The following NWD2 variants were observed in gnomAD, a reference collection of about 807,000 sequenced individuals.
The protein encoded by NWD2 is NACHT and WD repeat domain-containing protein 2.
Under a neutral mutation model 132.7 loss-of-function variants are expected in NWD2, and 37 were observed. The ratio of observed to expected loss-of-function variants is 0.28; its 90% CI spans 0.21 to 0.37. The LOEUF is 0.37. NWD2 is among the 10% of genes least tolerant of loss of function. The probability of loss-of-function intolerance (pLI) is 1.00; values close to 1 mark genes in which losing one functional copy is unlikely to be tolerated. For synonymous variants in NWD2, 705 were observed against 803.0 expected (o/e 0.88, Z 2.06); for missense variants, 1,592 against 2,122.4 (o/e 0.75, Z 4.91).
chr4:37,393,085 G>A (rs867570940), intron 3 of NWD2, among the ~76,000 whole-genome samples: 3 of 152,096 alleles, frequency 2.0e-5, no homozygotes, highest in Non-Finnish European at 4.4e-5. Context: ...TCTGATCCAC[G>A]GCGCCTCAGG....
chr4:37,310,430 G>A (rs887713076), intron 1 of NWD2, among the ~76,000 whole-genome samples: 1 of 152,022 alleles, frequency 6.6e-6, no homozygotes, highest in African/African-American at 2.4e-5. Context: ...ATGTATTCAG[G>A]TGTAGAAATA....
intron 3 of NWD2, among the ~76,000 whole-genome samples, chr4:37,391,643 G>T (rs1426031398): frequency 1.3e-5 from 2 of 152,156 alleles, no homozygotes; most frequent in Admixed American, 6.5e-5. Flanking sequence ...AAATGGGTAT[G>T]TGGGTTTCTC....
At chr4:37,363,647 A>T (rs1212084768) in intron 3 of NWD2, among the ~76,000 whole-genome samples, 2 of 152,098 alleles carry the variant, frequency 1.3e-5, no homozygotes, top group African/African-American at 2.4e-5. Context: ...CCACACACAC[A>T]TGCTGCCATC....
At chr4:37,438,153 T>G in intron 5 of NWD2, among the ~76,000 whole-genome samples, 1 of 151,276 alleles carries the variant, frequency 6.6e-6, no homozygotes, top group Non-Finnish European at 1.5e-5. Flanking sequence ...CCCAGCTACT[T>G]GGGAGGCTGA....
At chr4:37,282,379 T>C (rs1160532206) in intron 1 of NWD2, among the ~76,000 whole-genome samples, 4 of 152,188 alleles carry the variant, frequency 2.6e-5, no homozygotes, top group Non-Finnish European at 4.4e-5. Flanking sequence ...TTCCCAGCCT[T>C]GAAGTAATTT....
chr4:37,356,893 C>T (rs1212733864), intron 3 of NWD2, among the ~76,000 whole-genome samples: 2 of 152,226 alleles, frequency 1.3e-5, no homozygotes, highest in South Asian at 2.1e-4. Context: ...ATGGCTGAAA[C>T]ATTGTTAAAG....
chr4:37,253,824 A>C (rs186335092), intron 1 of NWD2, among the ~76,000 whole-genome samples: 5 of 152,320 alleles, frequency 3.3e-5, no homozygotes, highest in Admixed American at 3.3e-4. Context: ...AAAAAGTAAA[A>C]ACTCACAAGC....
At chr4:37,346,317 G>T (rs577011897) in intron 2 of NWD2, among the ~76,000 whole-genome samples, 1 of 152,248 alleles carries the variant, frequency 6.6e-6, no homozygotes, top group Non-Finnish European at 1.5e-5. Context: ...AAAATCAGTT[G>T]ACCTTATGTG....
At chr4:37,314,637 A>G (rs1049972505) in intron 1 of NWD2, among the ~76,000 whole-genome samples, 3 of 151,976 alleles carry the variant, frequency 2.0e-5, no homozygotes, top group African/African-American at 7.3e-5. Flanking sequence ...TTCATTCCTG[A>G]TTTTGGTGGT....
At position 37,443,636 on chromosome 4, in the gene NWD2, C is replaced by T. The variant is rs1472320260; in HGVS notation, c.1648C>T (p.His550Tyr). The T allele has an allele frequency of 6.4e-7, 1 of 1,552,056 alleles. No homozygotes were observed. Among genetic ancestry groups the T allele is most frequent in the Non-Finnish European group, 8.7e-7 (1 of 1,147,086 alleles). Residue 550 changes from histidine to tyrosine, a missense_variant, in exon 7 of 7, where the codon CAT becomes TAT. Around this residue, in one of 7 missense-constraint regions of NWD2, gnomAD observed 1,071 missense variants for 1,398.0 expected, o/e 0.77. Transcript: ENST00000309447. This position sits in a 1 kb window ranked among gnomAD's most constrained non-coding sequence, Gnocchi z 4.1. The part of the protein sequence containing the change: ...RIVLSTLPNK[H>Y]GILQKLRCLI... ...AGTCCTTTCCACGCTGCCCAACAAA[C>T]ATGGGATCTTGCAGAAACTAAGGTG...
At chr4:37,362,937 T>A (rs553994419) in intron 3 of NWD2, among the ~76,000 whole-genome samples, 72 of 152,260 alleles carry the variant, frequency 4.7e-4, no homozygotes, top group African/African-American at 1.7e-3. Flanking sequence ...ATATCTAGAA[T>A]CTGTAAGGAA....
At chr4:37,395,648 A>T (rs1194225299) in intron 3 of NWD2, among the ~76,000 whole-genome samples, 7 of 148,112 alleles carry the variant, frequency 4.7e-5, no homozygotes, top group Non-Finnish European at 7.4e-5. Flanking sequence ...CAGATCCATT[A>T]TGGGGAAGGG....
At chr4:37,388,329 A>G (rs566692045) in intron 3 of NWD2, among the ~76,000 whole-genome samples, 111 of 152,094 alleles carry the variant, frequency 7.3e-4, no homozygotes, top group Middle Eastern at 3.4e-3. Context: ...GACTACAGGC[A>G]TAAGCCACCA....
At chr4:37,425,956 T>A (rs1230056468) in intron 3 of NWD2, among the ~76,000 whole-genome samples, 1 of 152,112 alleles carries the variant, frequency 6.6e-6, no homozygotes, top group Non-Finnish European at 1.5e-5. Context: ...CTGCCTAGAG[T>A]TTAGCTGCTA....
chr4:37,368,363 T>C (rs910419079), intron 3 of NWD2, among the ~76,000 whole-genome samples: 1 of 152,148 alleles, frequency 6.6e-6, no homozygotes, highest in African/African-American at 2.4e-5. Context: ...CTCAAAATGC[T>C]TCTAGGAATG....
At chr4:37,315,240 A>C (rs1718934361) in intron 1 of NWD2, among the ~76,000 whole-genome samples, 1 of 152,062 alleles carries the variant, frequency 6.6e-6, no homozygotes, top group Non-Finnish European at 1.5e-5. Context: ...CCAGTAAAGA[A>C]TTGCATTCTG....
At chr4:37,430,820 AT>A (rs1463197938) in intron 4 of NWD2, 45 bp downstream of exon 4, 5 of 1,472,078 alleles carry the variant, frequency 3.4e-6, no homozygotes, top group Non-Finnish European at 4.6e-6. Flanking sequence ...CCATTACTAC[AT>A]TTGTTACCAT....
At chr4:37,383,804 C>A (rs779471186) in intron 3 of NWD2, among the ~76,000 whole-genome samples, 5 of 152,140 alleles carry the variant, frequency 3.3e-5, no homozygotes, top group African/African-American at 4.8e-5. Flanking sequence ...CAAAAGTTTT[C>A]TGGGTTTTTG....
At position 37,371,170 on chromosome 4, in the gene NWD2, T is replaced by C. The variant is rs1391481675; in HGVS notation, c.357+14688T>C. On this transcript the variant is annotated intron_variant, in intron 3 of 6. Transcript: ENST00000309447. Reference sequence around the variant, plus strand: ...TCGGCTCACTGCCATCTCTGCCTCCTGTGTTCAAGCAATTCCCCTGCCTCC... The same window carrying C: ...TCGGCTCACTGCCATCTCTGCCTCCCGTGTTCAAGCAATTCCCCTGCCTCC... Among the ~76,000 whole-genome samples, 5 of 142,760 alleles carry C rather than the reference T, an allele frequency of 3.5e-5. No homozygotes were observed. In the Admixed American group the frequency reaches 3.8e-4, roughly 11 times the overall value. The allele number at this position is 142,760 out of a possible 152,430, so 93.7% of individuals were successfully genotyped here.
Sources: allele counts gnomAD v4.1 joint callset (sites outside exome capture counted in the v4.1 genomes callset), GRCh38; gene constraint gnomAD v4.1.1; regional missense constraint gnomAD v4.1.1; non-coding constraint Gnocchi (gnomAD v3.1); transcripts MANE v1.5; gene names NCBI Gene and HGNC (gene_info 2026-07-23, HGNC 2026-07-21).